Variants in VTI1A observed in about 807,000 individuals in gnomAD.
The protein encoded by VTI1A is vesicle transport through interaction with t-SNAREs 1A, also known as vesicle transport through interaction with t-SNAREs homolog 1A.
In VTI1A, 22 loss-of-function variants were observed where a neutral mutation model predicts 34.9. That is an observed-to-expected ratio of 0.63 (90% confidence interval 0.45 to 0.90). The LOEUF is 0.90. Ranked by LOEUF, VTI1A falls within the 40% of genes least tolerant of loss-of-function variation. The pLI is 0.00. For missense variants in VTI1A, 268 were observed against 275.6 expected (o/e 0.97, Z 0.20); for synonymous variants, 87 against 97.3 (o/e 0.89, Z 0.62).
chr10:112,499,861 C>G (rs1849162993), intron 3 of VTI1A, among the ~76,000 whole-genome samples: 1 of 152,186 alleles, frequency 6.6e-6, no homozygotes, highest in African/African-American at 2.4e-5. Flanking sequence ...CACTGTTGCT[C>G]TCTAAATGAG....
chr10:112,655,685 A>G lies in VTI1A; in HGVS notation c.428-12533A>G, dbSNP rs1847205962. 3.3e-5 allele frequency among the ~76,000 whole-genome samples: 5 copies of G among 152,326 alleles called. No homozygotes were observed. The South Asian group carries it at 1.0e-3, about 32-fold the overall frequency. ...GTATTCCTTGTTTCATAATTTAAGT[A>G]AATCTTATGAGTACCAAAGGCCCAG... On this transcript the variant is annotated intron_variant, in intron 5 of 7. Coordinates refer to ENST00000393077, the MANE Select transcript of VTI1A (RefSeq NM_145206.4).
intron 7 of VTI1A, among the ~76,000 whole-genome samples, chr10:112,801,654 T>C (rs1206317736): frequency 6.6e-6 from 1 of 152,094 alleles, no homozygotes; most frequent in East Asian, 1.9e-4. Context: ...ATATGTTATG[T>C]AAAAATAAAA....
intron 1 of VTI1A, chr10:112,450,641 A>G (rs188944965): frequency 5.3e-5 from 8 of 152,368 alleles, no homozygotes; most frequent in Non-Finnish European, 1.0e-4. Context: ...AGAACAGAAG[A>G]GTGAACATTT....
chr10:112,527,254 A>G, intron 4 of VTI1A, 90 bp downstream of exon 4: 8 of 1,094,892 alleles, frequency 7.3e-6, no homozygotes, highest in Non-Finnish European at 9.6e-6. Context: ...CCTTAACGGT[A>G]TTAGCAGCAA....
At chr10:112,463,954 C>A (rs1847813422) in intron 2 of VTI1A, among the ~76,000 whole-genome samples, 1 of 152,126 alleles carries the variant, frequency 6.6e-6, no homozygotes, top group Non-Finnish European at 1.5e-5. Flanking sequence ...ATATTGAAAT[C>A]AAATTATTAA....
At chr10:112,498,988 T>G (rs1400200777) in intron 3 of VTI1A, among the ~76,000 whole-genome samples, 1 of 152,162 alleles carries the variant, frequency 6.6e-6, no homozygotes, top group Non-Finnish European at 1.5e-5. Flanking sequence ...GTACCATCAA[T>G]CATTCATCTG....
the VTI1A span, among the ~76,000 whole-genome samples, chr10:112,842,175 G>C: frequency 6.8e-6 from 1 of 146,092 alleles, no homozygotes; most frequent in African/African-American, 2.5e-5. Context: ...GAAACAAGGA[G>C]TTCTTTAAAA....
chr10:112,480,035 C>T (rs1848411806), intron 3 of VTI1A, among the ~76,000 whole-genome samples: 1 of 152,118 alleles, frequency 6.6e-6, no homozygotes, highest in South Asian at 2.1e-4. Flanking sequence ...CTTTAGCGTA[C>T]ATACCTAAAG....
At chr10:112,478,769 T>C (rs991588505) in intron 3 of VTI1A, among the ~76,000 whole-genome samples, 6 of 152,116 alleles carry the variant, frequency 3.9e-5, no homozygotes, top group African/African-American at 1.2e-4. Flanking sequence ...AGAGTTATAT[T>C]TGCACTGAGT....
chr10:112,822,454 G>A (rs1853671150), downstream of VTI1A, among the ~76,000 whole-genome samples: 1 of 152,196 alleles, frequency 6.6e-6, no homozygotes, highest in Non-Finnish European at 1.5e-5. Context: ...CCTGGGGGCA[G>A]GAAAATTGTG....
intron 7 of VTI1A, among the ~76,000 whole-genome samples, chr10:112,780,155 G>A (rs1474007345): frequency 6.6e-6 from 1 of 150,384 alleles, no homozygotes; most frequent in African/African-American, 2.4e-5. Flanking sequence ...CAATATGGTG[G>A]CATGTGCCTG....
intron 3 of VTI1A, among the ~76,000 whole-genome samples, chr10:112,490,002 A>G (rs1192427284): frequency 6.6e-6 from 1 of 152,174 alleles, no homozygotes; most frequent in Non-Finnish European, 1.5e-5. Context: ...GATTTGGGCC[A>G]TTGTCATTAC....
At chr10:112,678,350 A>T (rs1469464219) in intron 7 of VTI1A, among the ~76,000 whole-genome samples, 1 of 152,190 alleles carries the variant, frequency 6.6e-6, no homozygotes, top group Non-Finnish European at 1.5e-5. Flanking sequence ...AAGGAGCCCT[A>T]GGCCTTCCTT....
chr10:112,468,974 A>G (rs566380799), intron 3 of VTI1A, among the ~76,000 whole-genome samples: 3 of 152,074 alleles, frequency 2.0e-5, no homozygotes, highest in South Asian at 4.1e-4. Context: ...TTGTAGTACT[A>G]TTTCCTGATT....
chr10:112,833,362 G>C, the VTI1A span, among the ~76,000 whole-genome samples: 4 of 151,872 alleles, frequency 2.6e-5, no homozygotes, highest in South Asian at 6.3e-4. Context: ...CTCCTTCAAG[G>C]TTCCACCCAG....
chr10:112,812,536 T>TC (rs902256324), intron 7 of VTI1A, among the ~76,000 whole-genome samples: 16 of 152,222 alleles, frequency 1.1e-4, no homozygotes, highest in South Asian at 4.1e-4. Context: ...AGCCTGTATT[T>TC]CCCCCTTCCA....
At chr10:112,820,575 C>A (rs1853635116), downstream of VTI1A, among the ~76,000 whole-genome samples, 1 of 152,222 alleles carries the variant, frequency 6.6e-6, no homozygotes, top group Non-Finnish European at 1.5e-5. Context: ...GTGGACAGCT[C>A]AGAAAAGCTC....
chr10:112,812,212 G>A (rs1167237231), intron 7 of VTI1A, among the ~76,000 whole-genome samples: 1 of 152,228 alleles, frequency 6.6e-6, no homozygotes, highest in African/African-American at 2.4e-5. Flanking sequence ...CTTCTTTCAA[G>A]TGTATATTCT....
At chr10:112,796,593 A>C (rs1057498288) in intron 7 of VTI1A, among the ~76,000 whole-genome samples, 2 of 152,168 alleles carry the variant, frequency 1.3e-5, no homozygotes, top group Non-Finnish European at 2.9e-5. Context: ...GGTTCTGGAC[A>C]AGCAGAGGCC....
Sources: gnomAD v4.1 joint callset for allele counts (sites outside exome capture counted in the v4.1 genomes callset) on GRCh38, gnomAD v4.1.1 for gene constraint, MANE v1.5 for transcripts, NCBI Gene and HGNC (gene_info 2026-07-23, HGNC 2026-07-21) for gene names.